CAMK2A: variants seen among roughly 807,000 people sequenced by gnomAD.
The protein encoded by CAMK2A is calcium/calmodulin dependent protein kinase II alpha, also known as calcium/calmodulin-dependent protein kinase type II subunit alpha.
A neutral mutation model predicts 79.2 loss-of-function variants in CAMK2A; 7 were observed. The ratio of observed to expected loss-of-function variants is 0.09; its 90% CI spans 0.05 to 0.17. The LOEUF (loss-of-function observed/expected upper bound fraction) is 0.17. CAMK2A is among the 10% of genes least tolerant of loss of function. The probability of loss-of-function intolerance (pLI) is 1.00; values close to 1 mark genes in which losing one functional copy is unlikely to be tolerated. For missense variants in CAMK2A, 214 were observed against 646.4 expected (o/e 0.33, Z 7.25); for synonymous variants, 242 against 251.7 (o/e 0.96, Z 0.36).
chr5:150,261,179 C>T (rs1756290195), intron 3 of CAMK2A, among the ~76,000 whole-genome samples: 1 of 152,206 alleles, frequency 6.6e-6, no homozygotes, highest in Non-Finnish European at 1.5e-5. Flanking sequence ...TGGTAAGAGG[C>T]TACCCCTCTG....
At chr5:150,276,640 G>C (rs998064553) in intron 1 of CAMK2A, among the ~76,000 whole-genome samples, 2 of 152,158 alleles carry the variant, frequency 1.3e-5, no homozygotes, top group African/African-American at 4.8e-5. Flanking sequence ...CCACATCTGG[G>C]CAAGGTTCTG....
At position 150,244,292 on chromosome 5, in the gene CAMK2A, C is replaced by T. The variant is rs551167412; in HGVS notation, c.984+869G>A. Among the ~76,000 whole-genome samples, 15 of 152,342 alleles carry T rather than the reference C, an allele frequency of 9.8e-5. No individual in the cohort carries two copies. The South Asian group carries it at 2.9e-3, about 29-fold the overall frequency. ...AACCTTGACAGACCAAAACCAGCGG[C>T]CAGAGACCATAAATGCCTCCTTAGA... is the stretch of plus-strand genomic sequence containing the variant. On this transcript the variant is annotated intron_variant, in intron 13 of 18. Transcript: ENST00000671881.
chr5:150,241,497 TCTC>T (rs1228372248), intron 13 of CAMK2A, among the ~76,000 whole-genome samples: 8 of 133,690 alleles, frequency 6.0e-5, no homozygotes, highest in Middle Eastern at 3.6e-3. Context: ...TCTTCCTTCC[TCTC>T]CTCTCCTCTC....
At chr5:150,245,075 G>A (rs1431995130) in intron 13 of CAMK2A, 86 bp downstream of exon 13, 23 of 1,363,086 alleles carry the variant, frequency 1.7e-5, no homozygotes, top group East Asian at 1.6e-4. Flanking sequence ...AGCAAGGCCC[G>A]GGTCTTGCTC....
intron 12 of CAMK2A, among the ~76,000 whole-genome samples, chr5:150,246,711 G>A (rs1459796068): frequency 1.3e-5 from 2 of 152,122 alleles, no homozygotes; most frequent in African/African-American, 4.8e-5. Flanking sequence ...GGAGAGGGTG[G>A]GAAGGCAGTT....
chr5:150,275,469 C>A (rs1371260872), intron 1 of CAMK2A, among the ~76,000 whole-genome samples: 1 of 152,182 alleles, frequency 6.6e-6, no homozygotes, highest in Admixed American at 6.5e-5. Context: ...TTAGTGCAGA[C>A]CCCACAGGTT....
chr5:150,235,625 T>C (rs534696956), intron 15 of CAMK2A, among the ~76,000 whole-genome samples: 23 of 150,482 alleles, frequency 1.5e-4, no homozygotes, highest in Non-Finnish European at 2.7e-4. Flanking sequence ...GATGGGGGAG[T>C]GGGAAGGAAG....
chr5:150,222,490 A>G lies in CAMK2A; in HGVS notation c.*220T>C. On this transcript the variant is annotated 3_prime_UTR_variant, in exon 19 of 19. Coordinates refer to ENST00000671881, the MANE Select transcript of CAMK2A (RefSeq NM_015981.4). ...AGGAAGCCCCAGCCTGGCAGGGGAGAGGGTGGGGGTGAGAGGTGGGGAGAT... is the reference window on the plus strand; with the variant it reads ...AGGAAGCCCCAGCCTGGCAGGGGAGGGGGTGGGGGTGAGAGGTGGGGAGAT... The G allele has an allele frequency of 1.4e-6, 1 of 704,440 alleles. No individual in the cohort carries two copies. Among genetic ancestry groups the G allele is most frequent in the Non-Finnish European group, 2.6e-6 (1 of 386,646 alleles). The allele number at this position is 704,440 out of a possible 1,614,324, so 43.6% of individuals were successfully genotyped here. A position where few individuals can be genotyped will look rare whatever the true frequency, so the allele number is the denominator to read the frequency against.
chr5:150,284,365 G>A lies in CAMK2A; in HGVS notation c.62+5199C>T, dbSNP rs1021812877. Among the ~76,000 whole-genome samples, 26 of 152,174 alleles carry A rather than the reference G, an allele frequency of 1.7e-4. No individual in the cohort carries two copies. The highest frequency in any genetic ancestry group is 3.4e-4 in the Non-Finnish European group (23 of 68,020). ...AAGACGCATGTGTGTGTGTGAGCAC[G>A]CATGCATCAGCAACAGGATGCGAGT... On this transcript the variant is annotated intron_variant, in intron 1 of 18. Coordinates refer to ENST00000671881, the MANE Select transcript of CAMK2A (RefSeq NM_015981.4). This position sits in a 1 kb window ranked among gnomAD's most constrained non-coding sequence, Gnocchi z 5.3.
In CAMK2A at chr5:150,231,364, A is replaced by G. The variant is rs1401924081; in HGVS notation, c.1083T>C (p.Ile361=). 3.2e-6 allele frequency: 5 copies of G among 1,583,762 alleles called. No homozygotes were observed. The highest frequency in any genetic ancestry group is 3.4e-6 in the Non-Finnish European group (4 of 1,164,396). The stretch of plus-strand genomic sequence containing the variant: ...CAATCAGCTGCTCTGTCACTTTTAT[A>G]ATTTCCTGTTTCCGCACTGTAAGGC... ...DEDTKVRKQE[I]IKVTEQLIEA... The change falls in exon 16 of 19, where the codon ATT becomes ATC. Residue 361 remains isoleucine (I), a synonymous_variant. Coordinates refer to ENST00000671881, the MANE Select transcript of CAMK2A (RefSeq NM_015981.4).
At chr5:150,281,170 G>C (rs1246918807) in intron 1 of CAMK2A, among the ~76,000 whole-genome samples, 1 of 152,144 alleles carries the variant, frequency 6.6e-6, no homozygotes, top group Non-Finnish European at 1.5e-5. Context: ...CATAATCAAA[G>C]CCCAGTCTCT....
chr5:150,271,458 C>A (rs1397601333), intron 2 of CAMK2A, among the ~76,000 whole-genome samples: 1 of 152,180 alleles, frequency 6.6e-6, no homozygotes, highest in Non-Finnish European at 1.5e-5. Context: ...GGGAGGCCTG[C>A]GGGGAGCAGC....
At chr5:150,260,717 G>A (rs882282) in intron 3 of CAMK2A, among the ~76,000 whole-genome samples, 9,523 of 152,250 alleles carry the variant, frequency 0.063, 410 homozygotes, top group South Asian at 0.11. Flanking sequence ...ATGGTAGCAC[G>A]TATCATTAAA....
Position 150,222,251 on chromosome 5 carries a change from G to T in CAMK2A, c.*459C>A. 1 of 537,616 alleles carries T rather than the reference G, an allele frequency of 1.9e-6. No homozygotes were observed. Among genetic ancestry groups the T allele is most frequent in the Non-Finnish European group, 3.4e-6 (1 of 297,102 alleles). 33.3% of individuals were successfully genotyped at this position (537,616 alleles called of 1,614,324 possible). ...TTCAGTGCGGTTGGCTTAGGGGGAA[G>T]GGAGTGTCATCTGCCCTTCCCCGGG... is the stretch of plus-strand genomic sequence containing the variant. On this transcript the variant is annotated 3_prime_UTR_variant, in exon 19 of 19. Coordinates refer to ENST00000671881, the MANE Select transcript of CAMK2A (RefSeq NM_015981.4).
At chr5:150,272,572 C>CAAAAA (rs1216822947) in intron 2 of CAMK2A, among the ~76,000 whole-genome samples, 2 of 98,762 alleles carry the variant, frequency 2.0e-5, no homozygotes, top group Non-Finnish European at 4.3e-5. Context: ...AACTCCATCT[C>CAAAAA]AAAAAAAAAA....
chr5:150,251,968 T>G lies in CAMK2A; in HGVS notation c.598+14A>C. On this transcript the variant is annotated intron_variant, in intron 8 of 18. Transcript: ENST00000671881. ...TGCAGCCAGGGGCACAAAAGGGCCT[T>G]AGGATGAACTCACCACAAGCCCACA... 1.2e-6 allele frequency: 2 copies of G among 1,611,776 alleles called. No individual in the cohort carries two copies. Among genetic ancestry groups the G allele is most frequent in the East Asian group, 4.5e-5 (2 of 44,862 alleles).
intron 1 of CAMK2A, among the ~76,000 whole-genome samples, chr5:150,278,516 G>A (rs1037618265): frequency 6.6e-6 from 1 of 152,192 alleles, no homozygotes; most frequent in Non-Finnish European, 1.5e-5. Flanking sequence ...GCAGATGGGT[G>A]GGTGGGCCAG....
At chr5:150,231,201 A>G (rs1754822920) in intron 16 of CAMK2A, 104 bp downstream of exon 16, 3 of 550,480 alleles carry the variant, frequency 5.4e-6, no homozygotes, top group Admixed American at 5.7e-5. Flanking sequence ...GCACATGCAA[A>G]GTGAGTGGAT....
At chr5:150,236,355 G>A (rs959646786) in intron 15 of CAMK2A, among the ~76,000 whole-genome samples, 2 of 152,186 alleles carry the variant, frequency 1.3e-5, no homozygotes, top group Non-Finnish European at 2.9e-5. Flanking sequence ...CTGGCTTCCT[G>A]TCATTCAACC....
Sources: allele counts gnomAD v4.1 joint callset (sites outside exome capture counted in the v4.1 genomes callset), GRCh38; gene constraint gnomAD v4.1.1; non-coding constraint Gnocchi (gnomAD v3.1); transcripts MANE v1.5; gene names NCBI Gene and HGNC (gene_info 2026-07-23, HGNC 2026-07-21).